The following CASQ2 variants were observed in gnomAD, a reference collection of about 807,000 sequenced individuals.
CASQ2 encodes the protein calsequestrin-2.
A neutral mutation model predicts 46.5 loss-of-function variants in CASQ2; 49 were observed. That is an observed-to-expected ratio of 1.05 (90% CI 0.84 to 1.34). The LOEUF is 1.34. Among genes scored for constraint, CASQ2 ranks in the 40% most tolerant of loss-of-function variants. CASQ2 has a pLI of 0.00. For missense variants in CASQ2, 486 were observed against 481.3 expected, an observed-to-expected ratio of 1.01 and a Z score of -0.09; for synonymous variants, 174 against 168.5, an observed-to-expected ratio of 1.03 and a Z score of -0.25.
intron 4 of CASQ2, among the ~76,000 whole-genome samples, chr1:115,737,790 C>T (rs963792281): frequency 2.0e-5 from 3 of 152,130 alleles, no homozygotes; most frequent in African/African-American, 7.2e-5. Context: ...CATTCTGTAG[C>T]CACTGCTAAG....
In CASQ2 at chr1:115,700,889, A is replaced by G; in HGVS notation, c.*352T>C. 2 of 592,076 alleles carry G rather than the reference A, an allele frequency of 3.4e-6. No individual in the cohort carries two copies. Among genetic ancestry groups the G allele is most frequent in the Non-Finnish European group, 6.0e-6 (2 of 334,464 alleles). The allele number at this position is 592,076 out of a possible 1,614,324, so 36.7% of individuals were successfully genotyped here. ...GAAAGCTGTCAATTTTGTTACTGTC[A>G]TAATCAAAGACAAGTAAACTTGTGT... On this transcript the variant is annotated 3_prime_UTR_variant, in exon 11 of 11. Transcript: ENST00000261448.
chr1:115,739,858 C>A (rs369953033), intron 3 of CASQ2, among the ~76,000 whole-genome samples: 2 of 152,324 alleles, frequency 1.3e-5, no homozygotes, highest in African/African-American at 4.8e-5. Context: ...AAAGCCTCCC[C>A]CTAGCTGATA....
At chr1:115,727,558 C>A (rs1647638663) in intron 5 of CASQ2, among the ~76,000 whole-genome samples, 1 of 152,196 alleles carries the variant, frequency 6.6e-6, no homozygotes, top group South Asian at 2.1e-4. Flanking sequence ...CATATAGGTA[C>A]TCAGAATCAG....
intron 1 of CASQ2, among the ~76,000 whole-genome samples, chr1:115,760,471 AG>A (rs1648900698): frequency 1.3e-5 from 2 of 152,196 alleles, no homozygotes; most frequent in South Asian, 4.1e-4. Flanking sequence ...ATCTACTCAC[AG>A]GTGCAATCAT....
At chr1:115,762,142 C>T (rs1466035260) in intron 1 of CASQ2, among the ~76,000 whole-genome samples, 1 of 152,192 alleles carries the variant, frequency 6.6e-6, no homozygotes, top group Non-Finnish European at 1.5e-5. Context: ...GCAGGTAGAC[C>T]TGGTTCAACT....
rs565637904 is a variant in CASQ2 at position 115,712,569 on chromosome 1, G to A, written c.838+5271C>T. 6.1e-4 allele frequency among the ~76,000 whole-genome samples: 93 copies of A among 152,166 alleles called. 1 individual carries two copies. The South Asian group carries it at 0.018, about 29-fold the overall frequency. On this transcript the variant is annotated intron_variant, in intron 8 of 10. Coordinates refer to ENST00000261448, the MANE Select transcript of CASQ2 (RefSeq NM_001232.4). ...TGATAAAAACAGCACCTAACACGTC[G>A]GGTTGTTGCAAAGGTTAAATATGTT... is the stretch of plus-strand genomic sequence containing the variant.
chr1:115,744,010 G>A (rs1288856528), intron 2 of CASQ2, among the ~76,000 whole-genome samples: 2 of 151,632 alleles, frequency 1.3e-5, no homozygotes, highest in African/African-American at 4.9e-5. Context: ...TGAGCGTGGT[G>A]GCGTGTGACT....
At chr1:115,717,687 G>T (rs143146652) in intron 8 of CASQ2, among the ~76,000 whole-genome samples, 153 bp downstream of exon 8, 92 of 152,320 alleles carry the variant, frequency 6.0e-4, no homozygotes, top group African/African-American at 2.0e-3. Flanking sequence ...AATTGAAAAC[G>T]AACTCATACT....
intron 5 of CASQ2, among the ~76,000 whole-genome samples, chr1:115,727,837 T>A (rs1336436345): frequency 6.6e-6 from 1 of 152,202 alleles, no homozygotes; most frequent in African/African-American, 2.4e-5. Context: ...TTACAACAGA[T>A]AAAGAGCTCG....
intron 4 of CASQ2, among the ~76,000 whole-genome samples, chr1:115,734,366 T>G (rs1445657550): frequency 6.6e-6 from 1 of 152,216 alleles, no homozygotes; most frequent in Non-Finnish European, 1.5e-5. Context: ...TTCCCCTCCA[T>G]GAACTCCCAC....
chr1:115,755,624 A>G lies in CASQ2; in HGVS notation c.235-10712T>C, dbSNP rs138039879. ...TCTGACTAGTGTTTATTTTGATAGC[A>G]TCTGCTAATGACAGCAAATGCCATG... On this transcript the variant is annotated intron_variant, in intron 1 of 10. Coordinates refer to ENST00000261448, the MANE Select transcript of CASQ2 (RefSeq NM_001232.4). 2.2e-3 allele frequency among the ~76,000 whole-genome samples: 340 copies of G among 152,312 alleles called. 1 individual carries two copies. The highest frequency in any genetic ancestry group is 7.8e-3 in the African/African-American group (326 of 41,580).
At chr1:115,727,150 TTA>T in intron 5 of CASQ2, 28 bp from the exon 6 acceptor site, 3 of 1,547,208 alleles carry the variant, frequency 1.9e-6, no homozygotes, top group Non-Finnish European at 2.7e-6. Context: ...AAGACAAAGT[TTA>T]TTTGAATACT....
rs556832682 is a variant in CASQ2 at position 115,716,297 on chromosome 1, G to T, written c.838+1543C>A. ...AAAAGAGTGAAACCAGAGAAAAGTT[G>T]TCCAAGTTCCAAAAACAAAGTTACC... On this transcript the variant is annotated intron_variant, in intron 8 of 10. Transcript: ENST00000261448. Among the ~76,000 whole-genome samples, 314 of 152,254 alleles carry T rather than the reference G, an allele frequency of 2.1e-3. 10 individuals are homozygous for T. In the South Asian group the frequency reaches 0.062, roughly 30 times the overall value.
At chr1:115,722,386 A>G (rs1473435457) in intron 7 of CASQ2, among the ~76,000 whole-genome samples, 1 of 152,240 alleles carries the variant, frequency 6.6e-6, no homozygotes, top group Non-Finnish European at 1.5e-5. Context: ...ATGAGTTCCA[A>G]TGAAACCAGA....
chr1:115,729,941 G>A (rs1557793915), intron 5 of CASQ2, among the ~76,000 whole-genome samples: 2 of 152,160 alleles, frequency 1.3e-5, no homozygotes, highest in African/African-American at 2.4e-5. Context: ...CAGTGGGCGG[G>A]GACATGGGAT....
At position 115,740,846 on chromosome 1, in the gene CASQ2, G is replaced by A. The variant is rs376871374; in HGVS notation, c.320-18C>T. On this transcript the variant is annotated intron_variant, in intron 2 of 10. Coordinates refer to ENST00000261448, the MANE Select transcript of CASQ2 (RefSeq NM_001232.4). ...ATCAAAACCTGTAAGAAACAAAGAGGCCCACAGAGAAGGTCATCCTGACGT... is the reference window on the plus strand; with the variant it reads ...ATCAAAACCTGTAAGAAACAAAGAGACCCACAGAGAAGGTCATCCTGACGT... 1.1e-4 allele frequency: 170 copies of A among 1,529,284 alleles called. 1 individual carries two copies. The African/African-American group carries it at 2.0e-3, about 18-fold the overall frequency. 94.7% of individuals were successfully genotyped at this position (1,529,284 alleles called of 1,614,324 possible). A position where few individuals can be genotyped will look rare whatever the true frequency, so the allele number is the denominator to read the frequency against.
chr1:115,720,344 G>T (rs1310168552), intron 7 of CASQ2, among the ~76,000 whole-genome samples: 1 of 152,048 alleles, frequency 6.6e-6, no homozygotes, highest in Non-Finnish European at 1.5e-5. Context: ...AGCTCTCTGG[G>T]GCATCTTTTA....
At chr1:115,749,936 G>GCC (rs1384109190) in intron 1 of CASQ2, among the ~76,000 whole-genome samples, 2 of 152,142 alleles carry the variant, frequency 1.3e-5, no homozygotes, top group Non-Finnish European at 2.9e-5. Context: ...AACTCAAAAA[G>GCC]CCCCTCACAA....
chr1:115,739,815 G>T (rs1466421902), intron 3 of CASQ2, among the ~76,000 whole-genome samples: 1 of 152,182 alleles, frequency 6.6e-6, no homozygotes, highest in Non-Finnish European at 1.5e-5. Flanking sequence ...CAATCACATT[G>T]TTTATTGTTT....
Sources: allele counts gnomAD v4.1 joint callset (sites outside exome capture counted in the v4.1 genomes callset), GRCh38; gene constraint gnomAD v4.1.1; transcripts MANE v1.5; gene names NCBI Gene and HGNC (gene_info 2026-07-23, HGNC 2026-07-21).